The following NBAS variants were observed in gnomAD, a reference collection of about 807,000 sequenced individuals.
NBAS encodes NAG/BC035112 fusion.
NBAS carries 219 observed loss-of-function variants against 302.5 expected under a neutral mutation model. The observed-to-expected ratio is 0.72, with a 90% CI of 0.65 to 0.81. The LOEUF (loss-of-function observed/expected upper bound fraction) is 0.81. Among genes scored for constraint, NBAS ranks in the 30% least tolerant of loss-of-function variants. The pLI is 0.00. For synonymous variants in NBAS, 1,118 were observed against 1,021.6 expected (o/e 1.09, Z -1.80); for missense variants, 2,932 against 2,841.6 (o/e 1.03, Z -0.72).
chr2:15,156,979 C>G, the NBAS span, among the ~76,000 whole-genome samples: 2 of 152,174 alleles, frequency 1.3e-5, no homozygotes, highest in African/African-American at 2.4e-5. Context: ...TGACCCACCC[C>G]CCTCTCACAC....
At chr2:15,215,522 A>T (rs925246656) in intron 48 of NBAS, among the ~76,000 whole-genome samples, 14 of 152,224 alleles carry the variant, frequency 9.2e-5, no homozygotes, top group African/African-American at 2.7e-4. Context: ...TTGCAATATC[A>T]TTATCTATTC....
intron 42 of NBAS, among the ~76,000 whole-genome samples, chr2:15,278,828 T>C (rs561124653): frequency 2.6e-5 from 4 of 152,108 alleles, no homozygotes; most frequent in African/African-American, 9.7e-5. Context: ...TAGAAATCAA[T>C]GATAATGGAA....
At chr2:15,540,548 T>C (rs1236539152) in intron 6 of NBAS, among the ~76,000 whole-genome samples, 1 of 152,130 alleles carries the variant, frequency 6.6e-6, no homozygotes, top group Admixed American at 6.5e-5. Context: ...AGGTTCTCCA[T>C]TTCCAACAGA....
chr2:14,908,350 G>A, the NBAS span, among the ~76,000 whole-genome samples: 8 of 152,304 alleles, frequency 5.3e-5, no homozygotes, highest in African/African-American at 1.4e-4. Context: ...GTGACAGAGC[G>A]AGACTCCGTC....
the NBAS span, among the ~76,000 whole-genome samples, chr2:14,901,453 C>T: frequency 1.3e-5 from 2 of 150,052 alleles, no homozygotes; most frequent in Non-Finnish European, 3.0e-5. Flanking sequence ...AAAAAAAAAT[C>T]GGAAGGGTAA....
chr2:15,199,969 C>T (rs1006898559), intron 48 of NBAS, among the ~76,000 whole-genome samples: 1 of 141,748 alleles, frequency 7.1e-6, no homozygotes, highest in Non-Finnish European at 1.5e-5. Flanking sequence ...TGGCATGAAT[C>T]AGGGCTCACT....
chr2:14,907,232 G>A, the NBAS span, among the ~76,000 whole-genome samples: 1 of 152,160 alleles, frequency 6.6e-6, no homozygotes, highest in East Asian at 1.9e-4. Context: ...CTGTCACCCT[G>A]GTAATTAGTT....
rs202020492 is a variant in NBAS at position 15,561,288 on chromosome 2, G to A, written c.17C>T (p.Ser6Leu). The A allele has an allele frequency of 6.2e-6, 10 of 1,613,390 alleles. No homozygotes were observed. In the East Asian group the frequency reaches 1.6e-4, roughly 25 times the overall value. Residue 6 changes from serine (S) to leucine (L), a missense_variant, in exon 1 of 52, where the codon TCA (serine) becomes TTA (leucine). Transcript: ENST00000281513. MAAPE[S>L]GPALSPGTAE... ...AGTGCCTGGACTCAAAGCCGGCCCTGACTCGGGGGCCGCCATGTTCGCCGA... is the reference window on the plus strand; with the variant it reads ...AGTGCCTGGACTCAAAGCCGGCCCTAACTCGGGGGCCGCCATGTTCGCCGA...
chr2:15,186,671 G>A (rs1224969648), intron 50 of NBAS, 71 bp downstream of exon 50: 1 of 1,599,990 alleles, frequency 6.3e-7, no homozygotes, highest in East Asian at 2.2e-5. Context: ...CAGTCTCTGG[G>A]ATTGCTTACA....
At chr2:14,909,626 G>C in the NBAS span, among the ~76,000 whole-genome samples, 312 of 152,238 alleles carry the variant, frequency 2.0e-3, 8 homozygotes, top group East Asian at 0.038. Flanking sequence ...GCTGTTGTAG[G>C]AAAAATTGAG....
At chr2:14,781,003 T>G in the NBAS span, among the ~76,000 whole-genome samples, 7 of 152,160 alleles carry the variant, frequency 4.6e-5, no homozygotes, top group Non-Finnish European at 4.4e-5. Context: ...ATTTAAAAAT[T>G]TCAGCCATCT....
At chr2:15,034,491 T>G in the NBAS span, among the ~76,000 whole-genome samples, 3 of 152,194 alleles carry the variant, frequency 2.0e-5, no homozygotes, top group South Asian at 6.2e-4. Flanking sequence ...ATTTCTGTTG[T>G]TTTTAAGCAA....
chr2:15,065,645 C>T, the NBAS span, among the ~76,000 whole-genome samples: 2 of 151,798 alleles, frequency 1.3e-5, no homozygotes, highest in Admixed American at 1.3e-4. Flanking sequence ...ATAGTAACAA[C>T]AAATAGAATA....
chr2:15,091,038 T>C, the NBAS span, among the ~76,000 whole-genome samples: 1 of 152,144 alleles, frequency 6.6e-6, no homozygotes, highest in Non-Finnish European at 1.5e-5. Context: ...CAAACTATAA[T>C]AAAGCCAAAA....
At chr2:15,406,865 C>T (rs955555923) in intron 25 of NBAS, among the ~76,000 whole-genome samples, 2 of 152,116 alleles carry the variant, frequency 1.3e-5, no homozygotes, top group Admixed American at 6.6e-5. Flanking sequence ...CACATTGGCA[C>T]AAATTTTAAA....
chr2:14,922,470 T>C, the NBAS span, among the ~76,000 whole-genome samples: 1 of 152,120 alleles, frequency 6.6e-6, no homozygotes, highest in Non-Finnish European at 1.5e-5. Context: ...AGGTGGTGAG[T>C]TTGGTTCCTC....
chr2:15,008,071 C>T, the NBAS span, among the ~76,000 whole-genome samples: 1 of 152,208 alleles, frequency 6.6e-6, no homozygotes, highest in South Asian at 2.1e-4. Context: ...CTGACAATTT[C>T]CCCATTAGCC....
At chr2:15,002,882 G>A in the NBAS span, among the ~76,000 whole-genome samples, 1 of 152,212 alleles carries the variant, frequency 6.6e-6, no homozygotes, top group South Asian at 2.1e-4. Context: ...GCCCACAAGC[G>A]CCACGCGCAG....
chr2:15,234,815 G>T, intron 45 of NBAS, 68 bp from the exon 46 acceptor site: 1 of 1,503,718 alleles, frequency 6.7e-7, no homozygotes, highest in Non-Finnish European at 9.2e-7. Flanking sequence ...TGCACAAAGT[G>T]AAACATATTT....
Sources: gnomAD v4.1 joint callset for allele counts (sites outside exome capture counted in the v4.1 genomes callset) on GRCh38, gnomAD v4.1.1 for gene constraint, MANE v1.5 for transcripts, NCBI Gene and HGNC (gene_info 2026-07-23, HGNC 2026-07-21) for gene names.